ABTB2: variants seen among roughly 807,000 people sequenced by gnomAD.
The protein encoded by ABTB2 is ankyrin repeat and BTB domain containing 2.
A neutral mutation model predicts 104.1 loss-of-function variants in ABTB2; 56 were observed. The ratio of observed to expected loss-of-function variants is 0.54; its 90% CI spans 0.43 to 0.67. The LOEUF is 0.67. Ranked by LOEUF, ABTB2 falls within the 30% of genes least tolerant of loss-of-function variation. The pLI is 0.00. For missense variants in ABTB2, 1,279 were observed against 1,407.7 expected (o/e 0.91, Z 1.46); for synonymous variants, 606 against 608.2 (o/e 1.00, Z 0.05).
chr11:34,171,382 C>T (rs529364582), intron 4 of ABTB2, among the ~76,000 whole-genome samples: 16 of 152,286 alleles, frequency 1.1e-4, no homozygotes, highest in African/African-American at 3.6e-4. Context: ...CAAGACCAGC[C>T]TGGCCAACAT....
chr11:34,350,472 C>T (rs1476894854), intron 1 of ABTB2, among the ~76,000 whole-genome samples: 2 of 152,248 alleles, frequency 1.3e-5, no homozygotes, highest in Non-Finnish European at 2.9e-5. Context: ...AAGGCCCTCC[C>T]TGGGCAGCAG....
At chr11:34,336,484 T>A (rs562270198) in intron 1 of ABTB2, among the ~76,000 whole-genome samples, 46 of 152,012 alleles carry the variant, frequency 3.0e-4, no homozygotes, top group Non-Finnish European at 5.0e-4. Context: ...CTATAAAAAA[T>A]TTTAAAAAAT....
In ABTB2 at chr11:34,171,124, C is replaced by A; in HGVS notation, c.1398-53G>T. The A allele has an allele frequency of 1.6e-5, 25 of 1,572,962 alleles. 1 individual carries two copies. The South Asian group carries it at 2.9e-4, about 18-fold the overall frequency. Reference sequence around the variant, plus strand: ...GTGACTGTATGCAGACAGCAACTTTCAATGATGTGACACACATGTGTGAGC... The same window carrying A: ...GTGACTGTATGCAGACAGCAACTTTAAATGATGTGACACACATGTGTGAGC... On this transcript the variant is annotated intron_variant, in intron 4 of 16. Coordinates refer to ENST00000435224, the MANE Select transcript of ABTB2 (RefSeq NM_145804.3).
Position 34,335,777 on chromosome 11 carries a change from T to C in ABTB2, c.883+20924A>G. On this transcript the variant is annotated intron_variant, in intron 1 of 16. Coordinates refer to ENST00000435224, the MANE Select transcript of ABTB2 (RefSeq NM_145804.3). ...TTGAGGTGACAATCAAAACCTATGA[T>C]CCCAGGAAGCTTGAACCTCTGATCT... The C allele has an allele frequency of 2.2e-6, 3 of 1,381,416 alleles. 1 individual carries two copies. In the South Asian group the frequency reaches 3.5e-5, roughly 16 times the overall value. The allele number at this position is 1,381,416 out of a possible 1,614,324, so 85.6% of individuals were successfully genotyped here.
chr11:34,232,719 A>G (rs1853788784), intron 1 of ABTB2, among the ~76,000 whole-genome samples: 2 of 152,058 alleles, frequency 1.3e-5, no homozygotes, highest in African/African-American at 4.8e-5. Context: ...TCCCACTTGT[A>G]ATCTCAGAAC....
chr11:34,292,629 T>G (rs881390), intron 1 of ABTB2, among the ~76,000 whole-genome samples: 1 of 152,254 alleles, frequency 6.6e-6, no homozygotes, highest in Non-Finnish European at 1.5e-5. Context: ...GGGTGGAAGA[T>G]GGACAATAAG....
In ABTB2 at chr11:34,152,298, T is replaced by G; in HGVS notation, c.*89A>C. The stretch of plus-strand genomic sequence containing the variant: ...GGAGGAGGAAACAGCCCCGTGAACC[T>G]GGCTCCAAGAGGGCCTACAACCATA... On this transcript the variant is annotated 3_prime_UTR_variant, in exon 17 of 17. Transcript: ENST00000435224. 7.1e-7 allele frequency: 1 copy of G among 1,407,736 alleles called. No individual in the cohort carries two copies. The allele number at this position is 1,407,736 out of a possible 1,614,324, so 87.2% of individuals were successfully genotyped here.
chr11:34,245,612 G>A (rs938441936), intron 1 of ABTB2, among the ~76,000 whole-genome samples: 2 of 152,218 alleles, frequency 1.3e-5, no homozygotes, highest in African/African-American at 4.8e-5. Context: ...CAGATGAGGT[G>A]AGGGAAGGCA....
At chr11:34,243,114 C>T (rs567809895) in intron 1 of ABTB2, among the ~76,000 whole-genome samples, 7 of 152,242 alleles carry the variant, frequency 4.6e-5, no homozygotes, top group African/African-American at 1.2e-4. Context: ...TTCCAAAGAT[C>T]ATCACACCCA....
At chr11:34,186,604 C>G (rs1266529820) in intron 3 of ABTB2, among the ~76,000 whole-genome samples, 1 of 152,232 alleles carries the variant, frequency 6.6e-6, no homozygotes, top group African/African-American at 2.4e-5. Flanking sequence ...CGGCAGTTCC[C>G]AGTCTTCTTT....
At chr11:34,339,887 A>T (rs1855241350) in intron 1 of ABTB2, among the ~76,000 whole-genome samples, 1 of 152,164 alleles carries the variant, frequency 6.6e-6, no homozygotes, top group Non-Finnish European at 1.5e-5. Flanking sequence ...TCCAGCTCTG[A>T]TTACACTGTT....
At chr11:34,268,202 T>C in intron 1 of ABTB2, among the ~76,000 whole-genome samples, 1 of 152,232 alleles carries the variant, frequency 6.6e-6, no homozygotes, top group East Asian at 1.9e-4. Flanking sequence ...TCTTGGATTA[T>C]CAAAGTGTTG....
chr11:34,303,831 C>T lies in ABTB2; in HGVS notation c.883+52870G>A, dbSNP rs982064570. On this transcript the variant is annotated intron_variant, in intron 1 of 16. Transcript: ENST00000435224. The stretch of plus-strand genomic sequence containing the variant: ...CTAATTTTTGTATTTTTAGTAGAGA[C>T]GGGATTTCACCATGTTGGCCAGGCT... 5.3e-5 allele frequency among the ~76,000 whole-genome samples: 8 copies of T among 151,714 alleles called. No homozygotes were observed. In the South Asian group the frequency reaches 1.0e-3, roughly 20 times the overall value.
At chr11:34,352,836 C>T (rs1015792940) in intron 1 of ABTB2, among the ~76,000 whole-genome samples, 4 of 152,126 alleles carry the variant, frequency 2.6e-5, no homozygotes, top group African/African-American at 9.7e-5. Context: ...CGGGAGAATC[C>T]CTTGAGCCCA....
chr11:34,178,565 G>A (rs1852984872), intron 3 of ABTB2, among the ~76,000 whole-genome samples: 1 of 152,240 alleles, frequency 6.6e-6, no homozygotes. Context: ...TCCCAAAGAA[G>A]TTCTCATTCC....
intron 14 of ABTB2, among the ~76,000 whole-genome samples, chr11:34,158,295 C>T (rs1183720530): frequency 1.3e-5 from 2 of 152,168 alleles, no homozygotes; most frequent in African/African-American, 2.4e-5. Flanking sequence ...CGCCTGTAGT[C>T]CCAGCTACTC....
intron 7 of ABTB2, 95 bp downstream of exon 7, chr11:34,167,163 AG>A: frequency 1.7e-6 from 2 of 1,165,854 alleles, no homozygotes; most frequent in Non-Finnish European, 2.5e-6. Flanking sequence ...TCTCTGATTC[AG>A]GGCACCTGCC....
intron 3 of ABTB2, among the ~76,000 whole-genome samples, chr11:34,176,733 C>G (rs1852965084): frequency 6.6e-6 from 1 of 152,174 alleles, no homozygotes; most frequent in Non-Finnish European, 1.5e-5. Flanking sequence ...CTATAGTGTA[C>G]CCAGGTTTTC....
intron 1 of ABTB2, among the ~76,000 whole-genome samples, chr11:34,321,515 C>G (rs1001607896): frequency 6.6e-6 from 1 of 152,212 alleles, no homozygotes; most frequent in African/African-American, 2.4e-5. Context: ...CATTGGGATG[C>G]ACCCGGATGC....
Sources: gnomAD v4.1 joint callset for allele counts (sites outside exome capture counted in the v4.1 genomes callset) on GRCh38, gnomAD v4.1.1 for gene constraint, MANE v1.5 for transcripts, NCBI Gene and HGNC (gene_info 2026-07-23, HGNC 2026-07-21) for gene names.